Variants in KIF26B observed in about 807,000 individuals in gnomAD.
The protein encoded by KIF26B is kinesin-like protein KIF26B.
KIF26B carries 63 observed loss-of-function variants against 151.2 expected under a neutral mutation model. The ratio of observed to expected loss-of-function variants is 0.42; its 90% CI spans 0.34 to 0.51. The LOEUF is 0.51. KIF26B is among the 20% of genes least tolerant of loss of function. The pLI is 0.07. For missense variants in KIF26B, 2,813 were observed against 2,913.6 expected (o/e 0.97, Z 0.79); for synonymous variants, 1,357 against 1,262.1 (o/e 1.08, Z -1.59).
chr1:245,657,366 A>G (rs12756409), intron 10 of KIF26B, among the ~76,000 whole-genome samples: 66,351 of 152,040 alleles, frequency 0.44, 14,815 homozygotes, highest in Non-Finnish European at 0.48. Flanking sequence ...GCATACACAC[A>G]GTGAACAAAG....
intron 2 of KIF26B, chr1:245,353,953 C>T (rs1157350877): frequency 6.6e-6 from 1 of 152,490 alleles, no homozygotes; most frequent in East Asian, 1.9e-4. Context: ...ATGTAGACCC[C>T]CAAGTTCAGA....
At chr1:245,413,776 G>A (rs1674349438) in intron 3 of KIF26B, among the ~76,000 whole-genome samples, 2 of 152,290 alleles carry the variant, frequency 1.3e-5, no homozygotes, top group East Asian at 3.9e-4. Flanking sequence ...GGCTCTGAGG[G>A]CAGCCTCGAG....
intron 2 of KIF26B, among the ~76,000 whole-genome samples, chr1:245,220,896 G>C (rs1438062896): frequency 1.3e-5 from 2 of 152,092 alleles, no homozygotes; most frequent in African/African-American, 4.8e-5. Flanking sequence ...ACTGTCCTCA[G>C]TTTTATCTGC....
At chr1:245,287,208 A>G (rs1011639228) in intron 2 of KIF26B, among the ~76,000 whole-genome samples, 3 of 152,120 alleles carry the variant, frequency 2.0e-5, no homozygotes, top group Admixed American at 6.5e-5. Flanking sequence ...CTATTTTTCC[A>G]TTGTGGTGAT....
chr1:245,372,613 T>C (rs1397408439), intron 3 of KIF26B, among the ~76,000 whole-genome samples: 1 of 152,228 alleles, frequency 6.6e-6, no homozygotes. Flanking sequence ...ATTGTGACTT[T>C]GAAAGGATGT....
chr1:245,435,249 A>T (rs1436825265), intron 4 of KIF26B, among the ~76,000 whole-genome samples: 1 of 152,170 alleles, frequency 6.6e-6, no homozygotes, highest in East Asian at 1.9e-4. Context: ...CGAGGAGAGC[A>T]AGAGGACAGC....
chr1:245,678,083 G>C (rs945029579), intron 10 of KIF26B, among the ~76,000 whole-genome samples: 3 of 152,232 alleles, frequency 2.0e-5, no homozygotes, highest in Non-Finnish European at 2.9e-5. Flanking sequence ...GGGGACAAAA[G>C]AAAAGGATCT....
chr1:245,547,493 G>A (rs2793054), intron 5 of KIF26B, among the ~76,000 whole-genome samples: 54,742 of 150,080 alleles, frequency 0.36, 10,131 homozygotes, highest in Middle Eastern at 0.4. Flanking sequence ...GGCTGAGGCA[G>A]GAGGATCACT....
chr1:245,517,859 G>A lies in KIF26B; in HGVS notation c.1167-22908G>A, dbSNP rs115571278. Among the ~76,000 whole-genome samples, 807 of 149,810 alleles carry A rather than the reference G, an allele frequency of 5.4e-3. 3 individuals are homozygous for A. Among genetic ancestry groups the A allele is most frequent in the Non-Finnish European group, 7.2e-3 (488 of 67,734 alleles). On this transcript the variant is annotated intron_variant, in intron 4 of 14. Coordinates refer to ENST00000407071, the MANE Select transcript of KIF26B (RefSeq NM_018012.4). The stretch of plus-strand genomic sequence containing the variant: ...ATGCACAGGACCATGAAAGTGAATG[G>A]TGTCATGTAATTTTTTTTTTTTTTT...
At chr1:245,466,297 C>T (rs532498100) in intron 4 of KIF26B, among the ~76,000 whole-genome samples, 1 of 152,278 alleles carries the variant, frequency 6.6e-6, no homozygotes, top group South Asian at 2.1e-4. Flanking sequence ...CACGCCGGCT[C>T]CCAGGTCAGA....
At chr1:245,330,833 G>A (rs574010990) in intron 2 of KIF26B, among the ~76,000 whole-genome samples, 2 of 128,058 alleles carry the variant, frequency 1.6e-5, no homozygotes, top group Admixed American at 8.3e-5. Flanking sequence ...CGGGGAGGGA[G>A]TGGGGGTGTC....
At chr1:245,335,765 A>G (rs1672211207) in intron 2 of KIF26B, among the ~76,000 whole-genome samples, 1 of 140,316 alleles carries the variant, frequency 7.1e-6, no homozygotes, top group Non-Finnish European at 1.5e-5. Context: ...GGAGAGTCCC[A>G]CGCAGGGAAA....
chr1:245,280,547 G>GAAAAT (rs200638765), intron 2 of KIF26B, among the ~76,000 whole-genome samples: 9,856 of 111,524 alleles, frequency 0.088, 789 homozygotes, highest in Middle Eastern at 0.16. Flanking sequence ...AAAAAGAAAA[G>GAAAAT]AAATTATTTT....
At chr1:245,471,844 T>A (rs909377247) in intron 4 of KIF26B, among the ~76,000 whole-genome samples, 1 of 151,408 alleles carries the variant, frequency 6.6e-6, no homozygotes, top group Non-Finnish European at 1.5e-5. Flanking sequence ...CAGGCTGGAG[T>A]GCAATGGCAC....
At chr1:245,275,950 C>G (rs1670928374) in intron 2 of KIF26B, among the ~76,000 whole-genome samples, 1 of 152,180 alleles carries the variant, frequency 6.6e-6, no homozygotes, top group African/African-American at 2.4e-5. Flanking sequence ...TATTGTCTCA[C>G]TTGCTTCTTG....
At chr1:245,298,726 A>G (rs1311385024) in intron 2 of KIF26B, among the ~76,000 whole-genome samples, 2 of 152,230 alleles carry the variant, frequency 1.3e-5, no homozygotes, top group Non-Finnish European at 2.9e-5. Flanking sequence ...TCTTTAAGGC[A>G]GGAGGAAGAT....
At chr1:245,498,977 G>A (rs1036937172) in intron 4 of KIF26B, among the ~76,000 whole-genome samples, 1 of 152,216 alleles carries the variant, frequency 6.6e-6, no homozygotes, top group African/African-American at 2.4e-5. Context: ...ATTGGCAAGT[G>A]TTCTTTAAGA....
chr1:245,694,212 C>T (rs2044659914), intron 12 of KIF26B, among the ~76,000 whole-genome samples: 1 of 152,234 alleles, frequency 6.6e-6, no homozygotes, highest in Admixed American at 6.5e-5. Flanking sequence ...CAGCAGGCCA[C>T]ACAGCCAGCA....
intron 2 of KIF26B, among the ~76,000 whole-genome samples, chr1:245,313,593 C>T (rs896101000): frequency 1.3e-5 from 2 of 152,170 alleles, no homozygotes; most frequent in Non-Finnish European, 2.9e-5. Flanking sequence ...CAGGTCTGAG[C>T]GGTCAAAAGA....
Sources: allele counts gnomAD v4.1 joint callset (sites outside exome capture counted in the v4.1 genomes callset), GRCh38; gene constraint gnomAD v4.1.1; transcripts MANE v1.5; gene names NCBI Gene and HGNC (gene_info 2026-07-23, HGNC 2026-07-21).